Variants in CCDC7 observed in about 807,000 individuals in gnomAD.
The protein encoded by CCDC7 is coiled-coil domain containing 7, also known as coiled-coil domain-containing protein 7.
A neutral mutation model predicts 196.9 loss-of-function variants in CCDC7; 183 were observed. The observed-to-expected ratio is 0.93, with a 90% CI of 0.82 to 1.05. CCDC7 has a LOEUF of 1.05. Among genes scored for constraint, CCDC7 ranks in the 50% least tolerant of loss-of-function variants. The pLI is 0.00. For synonymous variants in CCDC7, 525 were observed against 484.6 expected, an observed-to-expected ratio of 1.08 and a Z score of -1.10; for missense variants, 1,540 against 1,482.2, an observed-to-expected ratio of 1.04 and a Z score of -0.64.
chr10:32,593,119 G>A (rs1164877909), intron 18 of CCDC7, among the ~76,000 whole-genome samples: 3 of 152,128 alleles, frequency 2.0e-5, no homozygotes, highest in Non-Finnish European at 2.9e-5. Context: ...TTGAAGAATC[G>A]CCACACTGTC....
intron 20 of CCDC7, among the ~76,000 whole-genome samples, chr10:32,656,298 T>C (rs1487824367): frequency 6.6e-6 from 1 of 152,236 alleles, no homozygotes; most frequent in African/African-American, 2.4e-5. Flanking sequence ...CCTATGTTTA[T>C]TGCAGCATTA....
chr10:32,816,076 C>T (rs1176512059), intron 31 of CCDC7, among the ~76,000 whole-genome samples: 2 of 148,620 alleles, frequency 1.3e-5, no homozygotes, highest in African/African-American at 5.1e-5. Flanking sequence ...TCAGGGAATT[C>T]CCTTTCCTAG....
intron 18 of CCDC7, among the ~76,000 whole-genome samples, chr10:32,605,717 A>G (rs1426871633): frequency 1.3e-5 from 2 of 152,264 alleles, no homozygotes; most frequent in Non-Finnish European, 2.9e-5. Flanking sequence ...CATTTAAGAC[A>G]TAGCCTGGCT....
intron 23 of CCDC7, among the ~76,000 whole-genome samples, chr10:32,691,693 C>T (rs2077101473): frequency 6.6e-6 from 1 of 152,156 alleles, no homozygotes; most frequent in Admixed American, 6.5e-5. Flanking sequence ...ATTACAGCCT[C>T]TGCAGATGAA....
chr10:32,713,163 A>T (rs1214396803), intron 25 of CCDC7, among the ~76,000 whole-genome samples: 2 of 152,202 alleles, frequency 1.3e-5, no homozygotes, highest in Non-Finnish European at 2.9e-5. Context: ...GGCCATGACA[A>T]TAGGGGTTTA....
intron 8 of CCDC7, among the ~76,000 whole-genome samples, chr10:32,489,723 G>T (rs758471796): frequency 2.0e-5 from 3 of 152,184 alleles, no homozygotes; most frequent in South Asian, 4.1e-4. Flanking sequence ...TGTGCAGGCT[G>T]GTGCAGAGTG....
rs184966328 is a variant in CCDC7, at chr10:32,491,279, A to G, written c.797-643A>G. On this transcript the variant is annotated intron_variant, in intron 8 of 41. Transcript: ENST00000639629. ...ATTTTCTTTGTGTCATGTCTTGTTT[A>G]TCTAGCAGAAAACTTAGTGCAGGGA... 3.3e-5 allele frequency among the ~76,000 whole-genome samples: 5 copies of G among 152,284 alleles called. 1 individual carries two copies. The highest frequency in any genetic ancestry group is 1.2e-4 in the African/African-American group (5 of 41,568).
At chr10:32,697,753 G>A (rs2141405421) in intron 24 of CCDC7, among the ~76,000 whole-genome samples, 1 of 152,346 alleles carries the variant, frequency 6.6e-6, no homozygotes, top group East Asian at 1.9e-4. Flanking sequence ...GCAGGGCATA[G>A]CTGAACAAAA....
At chr10:32,878,152 A>T (rs1487384894), downstream of CCDC7, among the ~76,000 whole-genome samples, 1 of 152,046 alleles carries the variant, frequency 6.6e-6, no homozygotes, top group Non-Finnish European at 1.5e-5. Flanking sequence ...GGGAGGTATG[A>T]CTCATATGTG....
At chr10:32,579,930 C>T (rs79875129) in intron 16 of CCDC7, among the ~76,000 whole-genome samples, 20,396 of 151,772 alleles carry the variant, frequency 0.13, 1,625 homozygotes, top group African/African-American at 0.23. Flanking sequence ...GTAACATACA[C>T]GAGTCACATA....
intron 18 of CCDC7, among the ~76,000 whole-genome samples, chr10:32,616,287 T>C (rs1349861866): frequency 6.6e-6 from 1 of 152,080 alleles, no homozygotes; most frequent in Non-Finnish European, 1.5e-5. Flanking sequence ...CTTCAATCCA[T>C]GAGCATGGGA....
In CCDC7 at chr10:32,821,583, C is replaced by A. The variant is rs558290227; in HGVS notation, c.3182-2935C>A. 2.6e-5 allele frequency among the ~76,000 whole-genome samples: 4 copies of A among 152,228 alleles called. No homozygotes were observed. The East Asian group carries it at 7.7e-4, about 29-fold the overall frequency. On this transcript the variant is annotated intron_variant, in intron 31 of 41. Transcript: ENST00000639629. ...AACCCAAATGTCCAACAATGATAGA[C>A]TGGATTAAGAAAAGTGACACATATA...
At chr10:32,453,436 T>A in exon 2 of CCDC7, 5 of 1,522,234 alleles carry the variant, frequency 3.3e-6, no homozygotes, top group Non-Finnish European at 4.4e-6. Flanking sequence ...TATCTTTATC[T>A]GTAAGTATAT....
intron 33 of CCDC7, among the ~76,000 whole-genome samples, chr10:32,840,231 TAAATA>T (rs1217356162): frequency 1.3e-5 from 2 of 151,894 alleles, no homozygotes; most frequent in African/African-American, 2.4e-5. Context: ...TTTGAAAAGA[TAAATA>T]AAATTGATAG....
chr10:32,813,363 G>T (rs750814168), intron 30 of CCDC7, among the ~76,000 whole-genome samples: 2 of 152,076 alleles, frequency 1.3e-5, no homozygotes, highest in Non-Finnish European at 2.9e-5. Flanking sequence ...AATGGAAACG[G>T]ATCCAATAAC....
At chr10:32,646,593 T>C (rs1326965110) in intron 20 of CCDC7, among the ~76,000 whole-genome samples, 1 of 152,188 alleles carries the variant, frequency 6.6e-6, no homozygotes, top group Non-Finnish European at 1.5e-5. Flanking sequence ...TATTTCAACT[T>C]TTCTTTCAGA....
intron 32 of CCDC7, among the ~76,000 whole-genome samples, chr10:32,828,080 C>T (rs1314283883): frequency 2.0e-5 from 3 of 152,146 alleles, no homozygotes; most frequent in African/African-American, 7.2e-5. Context: ...GCATTTCTTT[C>T]CACTGACTTC....
At chr10:32,864,688 A>G (rs1394278386) in intron 41 of CCDC7, among the ~76,000 whole-genome samples, 1 of 151,888 alleles carries the variant, frequency 6.6e-6, no homozygotes, top group East Asian at 1.9e-4. Context: ...AAAAAATACA[A>G]TTTAAATTAG....
Position 32,545,862 on chromosome 10 carries a change from C to T in CCDC7, c.1134+1561C>T, listed in dbSNP as rs1365090684. On this transcript the variant is annotated intron_variant, in intron 13 of 41. Transcript: ENST00000639629. ...CGGAGGCTGCAGTGAGCCGAGACCACACCACTGCACGCCAGCCTGGGCAAC... is the reference window on the plus strand; with the variant it reads ...CGGAGGCTGCAGTGAGCCGAGACCATACCACTGCACGCCAGCCTGGGCAAC... Among the ~76,000 whole-genome samples the T allele has an allele frequency of 2.1e-5, 3 of 141,232 alleles. No individual in the cohort carries two copies. In the East Asian group the frequency reaches 6.3e-4, roughly 30 times the overall value. The allele number at this position is 141,232 out of a possible 152,430, so 92.7% of individuals were successfully genotyped here.
Sources: allele counts gnomAD v4.1 joint callset (sites outside exome capture counted in the v4.1 genomes callset), GRCh38; gene constraint gnomAD v4.1.1; transcripts MANE v1.5; gene names NCBI Gene and HGNC (gene_info 2026-07-23, HGNC 2026-07-21).